Variants in CD109 observed in about 807,000 individuals in gnomAD.
The protein encoded by CD109 is CD109 antigen.
A neutral mutation model predicts 165.8 loss-of-function variants in CD109; 149 were observed. That is an observed-to-expected ratio of 0.90 (90% CI 0.79 to 1.03). The LOEUF is 1.03. CD109 is among the 50% of genes least tolerant of loss of function. The pLI is 0.00. For missense variants in CD109, 1,712 were observed against 1,677.8 expected (o/e 1.02, Z -0.36); for synonymous variants, 585 against 592.1 (o/e 0.99, Z 0.18).
At chr6:73,758,311 C>G (rs1482874987) in intron 6 of CD109, among the ~76,000 whole-genome samples, 1 of 152,090 alleles carries the variant, frequency 6.6e-6, no homozygotes, top group Non-Finnish European at 1.5e-5. Context: ...TGTAAAGAAA[C>G]ACACATTTTT....
At chr6:73,682,816 A>C in the CD109 span, among the ~76,000 whole-genome samples, 5 of 152,324 alleles carry the variant, frequency 3.3e-5, no homozygotes, top group East Asian at 9.7e-4. Flanking sequence ...TGCAGGCTGA[A>C]CACCACATGG....
chr6:73,753,289 G>A (rs146371319), intron 5 of CD109, among the ~76,000 whole-genome samples: 76 of 152,154 alleles, frequency 5.0e-4, no homozygotes, highest in South Asian at 2.1e-4. Context: ...ATTAATGAAA[G>A]TACTCAGTAT....
chr6:73,780,955 G>C (rs961797405), intron 16 of CD109, among the ~76,000 whole-genome samples: 8 of 150,274 alleles, frequency 5.3e-5, no homozygotes, highest in Non-Finnish European at 5.9e-5. Flanking sequence ...GTTTGAGAAA[G>C]ATCAATGTGT....
intron 3 of CD109, among the ~76,000 whole-genome samples, chr6:73,728,685 AC>A (rs1772231354): frequency 1.3e-5 from 2 of 152,160 alleles, no homozygotes; most frequent in African/African-American, 4.8e-5. Context: ...CATATTCTTA[AC>A]CACATTGATA....
At chr6:73,799,881 A>C (rs1393900562) in intron 23 of CD109, among the ~76,000 whole-genome samples, 1 of 147,570 alleles carries the variant, frequency 6.8e-6, no homozygotes, top group African/African-American at 2.5e-5. Context: ...TTTTAAAGAC[A>C]GGGTGTCTCC....
At chr6:73,809,373 G>A (rs1037386981) in intron 26 of CD109, among the ~76,000 whole-genome samples, 1 of 151,968 alleles carries the variant, frequency 6.6e-6, no homozygotes, top group Non-Finnish European at 1.5e-5. Flanking sequence ...AATATTTTGG[G>A]GATGGCCTGG....
At chr6:73,736,880 A>T (rs1488743410) in intron 5 of CD109, among the ~76,000 whole-genome samples, 1 of 152,226 alleles carries the variant, frequency 6.6e-6, no homozygotes, top group Non-Finnish European at 1.5e-5. Flanking sequence ...GAGTGATTAG[A>T]TTAACCTACT....
chr6:73,691,106 C>T (rs62440517), upstream of CD109, among the ~76,000 whole-genome samples: 9,648 of 152,272 alleles, frequency 0.063, 511 homozygotes, highest in Admixed American at 0.17. Flanking sequence ...TCCCCGGCCA[C>T]CAGAACCCAC....
At chr6:73,737,254 A>C (rs1772581155) in intron 5 of CD109, among the ~76,000 whole-genome samples, 1 of 152,246 alleles carries the variant, frequency 6.6e-6, no homozygotes, top group Non-Finnish European at 1.5e-5. Context: ...GAAGATATGT[A>C]ATATGAAATG....
chr6:73,692,389 ATAT>A (rs1294995636), upstream of CD109, among the ~76,000 whole-genome samples: 14 of 152,178 alleles, frequency 9.2e-5, no homozygotes, highest in African/African-American at 2.9e-4. Flanking sequence ...TACTAAAATA[ATAT>A]TATTATTGTT....
intron 3 of CD109, among the ~76,000 whole-genome samples, chr6:73,725,412 C>T (rs1347679127): frequency 4.0e-5 from 6 of 150,602 alleles, no homozygotes; most frequent in Non-Finnish European, 7.4e-5. Context: ...AAGGAGAAGG[C>T]GGGGCAAGGG....
In CD109 at chr6:73,766,146, C is replaced by T. The variant is rs745710203; in HGVS notation, c.1324C>T (p.Gln442Ter). The change falls in exon 11 of 33, where the codon CAG becomes TAG. Residue 442 changes from glutamine (Q) to a stop codon, truncating the protein, a stop_gained. Coordinates refer to ENST00000287097, the MANE Select transcript of CD109 (RefSeq NM_133493.5). LOFTEE classifies it high-confidence loss of function. ...FPILEDSSEL[Q>*]LKAYFLGSKS... ...AATCCTGGAGGATTCCAGTGAGCTACAGTTGAAGGTGCCGTCTGTTTCCCA... is the reference window on the plus strand; with the variant it reads ...AATCCTGGAGGATTCCAGTGAGCTATAGTTGAAGGTGCCGTCTGTTTCCCA... The T allele has an allele frequency of 5.0e-6, 8 of 1,613,164 alleles. No homozygotes were observed. Among genetic ancestry groups the T allele is most frequent in the Non-Finnish European group, 5.9e-6 (7 of 1,179,152 alleles).
chr6:73,753,894 T>G (rs1773287555), intron 5 of CD109, among the ~76,000 whole-genome samples: 1 of 152,214 alleles, frequency 6.6e-6, no homozygotes, highest in South Asian at 2.1e-4. Flanking sequence ...AAGAATTGAC[T>G]CATTTATTCA....
At chr6:73,760,887 C>T (rs1475358541) in intron 7 of CD109, among the ~76,000 whole-genome samples, 1 of 151,624 alleles carries the variant, frequency 6.6e-6, no homozygotes, top group Non-Finnish European at 1.5e-5. Context: ...TGGTGGTGTG[C>T]GCTTGTCATC....
rs751631930 is a variant in CD109, at chr6:73,782,766, A to G, written c.2105+11A>G. 5 of 1,612,770 alleles carry G rather than the reference A, an allele frequency of 3.1e-6. No homozygotes were observed. The highest frequency in any genetic ancestry group is 3.4e-6 in the Non-Finnish European group (4 of 1,179,294). ...AGACACCAACATGGGGTAAAAATTT[A>G]TAAAGTTCTTTGCCCATACATATTT... On this transcript the variant is annotated intron_variant, in intron 18 of 32. Coordinates refer to ENST00000287097, the MANE Select transcript of CD109 (RefSeq NM_133493.5).
intron 2 of CD109, among the ~76,000 whole-genome samples, chr6:73,717,159 A>T (rs1041464894): frequency 2.7e-5 from 4 of 149,520 alleles, no homozygotes; most frequent in Non-Finnish European, 4.4e-5. Context: ...TGCCAATATC[A>T]TACTGTTTTG....
At position 73,743,992 on chromosome 6, in the gene CD109, T is replaced by C. The variant is rs143183601; in HGVS notation, c.633+7484T>C. On this transcript the variant is annotated intron_variant, in intron 5 of 32. Coordinates refer to ENST00000287097, the MANE Select transcript of CD109 (RefSeq NM_133493.5). ...TTCCAAAGGCCCCGATAAACACCTC[T>C]AGAATAGCATTTATTAATCAGTGTA... Among the ~76,000 whole-genome samples the C allele has an allele frequency of 3.3e-5, 5 of 152,348 alleles. No homozygotes were observed. In the East Asian group the frequency reaches 9.6e-4, roughly 29 times the overall value.
At chr6:73,788,366 C>A in intron 21 of CD109, 102 bp from the exon 22 acceptor site, 1 of 962,960 alleles carries the variant, frequency 1.0e-6, no homozygotes, top group Non-Finnish European at 1.5e-6. Context: ...CACACACAAA[C>A]CTCAGACACA....
At position 73,788,498 on chromosome 6, in the gene CD109, T is replaced by C; in HGVS notation, c.2587T>C (p.Ser863Pro). 3 of 1,609,866 alleles carry C rather than the reference T, an allele frequency of 1.9e-6. No homozygotes were observed. Among genetic ancestry groups the C allele is most frequent in the Non-Finnish European group, 2.5e-6 (3 of 1,179,176 alleles). ...AGGAATAGAAAAATCATATTCACAA[T>C]CCATCTTATTAGACTTGACTGACAA... The part of the protein sequence containing the change: ...AEGIEKSYSQ[S>P]ILLDLTDNRL... The change falls in exon 22 of 33, where the codon TCC becomes CCC. Residue 863 changes from serine to proline, a missense_variant. Ser to Pro is a moderately conservative substitution (Grantham distance 74). Coordinates refer to ENST00000287097, the MANE Select transcript of CD109 (RefSeq NM_133493.5).
Sources: allele counts gnomAD v4.1 joint callset (sites outside exome capture counted in the v4.1 genomes callset), GRCh38; gene constraint gnomAD v4.1.1; transcripts MANE v1.5; gene names NCBI Gene and HGNC (gene_info 2026-07-23, HGNC 2026-07-21).